Variants in SMARCA2 observed in about 807,000 individuals in gnomAD.
SMARCA2 encodes the protein SWI/SNF related BAF chromatin remodeling complex subunit ATPase 2, also known as SWI/SNF-related matrix-associated actin-dependent regulator of chromatin subfamily A member 2.
Under a neutral mutation model 199.8 loss-of-function variants are expected in SMARCA2, and 61 were observed. The observed-to-expected ratio is 0.31, with a 90% CI of 0.25 to 0.38. The LOEUF (loss-of-function observed/expected upper bound fraction) is 0.38. Ranked by LOEUF, SMARCA2 falls within the 10% of genes least tolerant of loss-of-function variation. The pLI is 1.00. For missense variants in SMARCA2, 1,344 were observed against 2,012.2 expected, an observed-to-expected ratio of 0.67 and a Z score of 6.35; for synonymous variants, 935 against 732.0, an observed-to-expected ratio of 1.28 and a Z score of -4.48.
chr9:2,049,483 G>T (rs919981193), intron 5 of SMARCA2, among the ~76,000 whole-genome samples: 16 of 152,156 alleles, frequency 1.1e-4, no homozygotes, highest in African/African-American at 3.9e-4. Context: ...TGTGGAGAAT[G>T]GCAATTTTTC....
rs773951168 is a variant in SMARCA2 at position 2,077,784 on chromosome 9, G to A, written c.2184+8G>A. The A allele has an allele frequency of 6.2e-7, 1 of 1,600,968 alleles. No individual in the cohort carries two copies. Among genetic ancestry groups the A allele is most frequent in the Non-Finnish European group, 8.5e-7 (1 of 1,173,128 alleles). ...ACCCTAAAGCATTACCAGGTAATTG[G>A]CATGGTTTCAGTTTCCTTGGCAAGT... On this transcript the variant is annotated splice_region_variant and intron_variant, in intron 14 of 33. Coordinates refer to ENST00000349721, the MANE Select transcript of SMARCA2 (RefSeq NM_003070.5).
chr9:2,022,821 G>T (rs569291649), intron 1 of SMARCA2, among the ~76,000 whole-genome samples: 3 of 152,160 alleles, frequency 2.0e-5, no homozygotes, highest in Non-Finnish European at 4.4e-5. Context: ...TTACCTTTCA[G>T]GGTGTCATGA....
chr9:2,140,145 C>T (rs898980995), intron 27 of SMARCA2, among the ~76,000 whole-genome samples: 2 of 152,226 alleles, frequency 1.3e-5, no homozygotes, highest in African/African-American at 4.8e-5. Context: ...TTTTCTAGTA[C>T]TCTCATCAAG....
At chr9:2,034,242 C>CAAAAAAAAA (rs759792374) in intron 3 of SMARCA2, among the ~76,000 whole-genome samples, 1 of 64,134 alleles carries the variant, frequency 1.6e-5, no homozygotes, top group Non-Finnish European at 3.3e-5. Context: ...GACTGCGTCT[C>CAAAAAAAAA]AAAAAAAAAA....
At chr9:2,177,029 T>C (rs1031950729) in intron 29 of SMARCA2, among the ~76,000 whole-genome samples, 11 of 152,220 alleles carry the variant, frequency 7.2e-5, no homozygotes, top group African/African-American at 2.2e-4. Flanking sequence ...GTAGCAAATA[T>C]GGAGTGCAGA....
chr9:2,159,681 G>A, intron 27 of SMARCA2: 1 of 1,138,770 alleles, frequency 8.8e-7, no homozygotes. Context: ...AAGCCTTCGG[G>A]CCTTGTAGTA....
intron 27 of SMARCA2, chr9:2,160,823 T>C: frequency 2.4e-6 from 1 of 416,958 alleles, no homozygotes; most frequent in Non-Finnish European, 4.3e-6. Context: ...TTTTTTTTTT[T>C]CTTCCTTGGC....
chr9:2,031,963 T>C (rs558791944), intron 2 of SMARCA2, among the ~76,000 whole-genome samples: 1 of 152,326 alleles, frequency 6.6e-6, no homozygotes, highest in African/African-American at 2.4e-5. Context: ...CTCTCTATTA[T>C]TACTATTTAA....
intron 9 of SMARCA2, among the ~76,000 whole-genome samples, chr9:2,062,373 T>C (rs924880823): frequency 5.3e-5 from 8 of 152,254 alleles, no homozygotes; most frequent in African/African-American, 1.7e-4. Flanking sequence ...TTAGTGTTTT[T>C]AGTATTAAAA....
intron 9 of SMARCA2, 38 bp from the exon 10 acceptor site, chr9:2,070,380 C>G (rs749583642): frequency 1.3e-6 from 2 of 1,585,578 alleles, no homozygotes; most frequent in South Asian, 2.2e-5. Context: ...ACCCCATCAT[C>G]TTGGTTACTT....
Position 2,119,858 on chromosome 9 carries a change from ACT to A in SMARCA2, c.3762+328_3762+329del, listed in dbSNP as rs1723141905. Among the ~76,000 whole-genome samples the A allele has an allele frequency of 6.6e-6, 1 of 152,052 alleles. No homozygotes were observed. Among genetic ancestry groups the A allele is most frequent in the Admixed American group, 6.6e-5 (1 of 15,260 alleles). On this transcript the variant is annotated intron_variant, in intron 26 of 33. Coordinates refer to ENST00000349721, the MANE Select transcript of SMARCA2 (RefSeq NM_003070.5). The surrounding 1 kb of genome is among the most constrained non-coding windows in gnomAD (Gnocchi z 4.6). ...TTGGCCAGGGCTGAGTAGCAGCTGC[ACT>A]CTCTGGACAGGCCTCGCGGTCTACA...
At chr9:2,190,650 C>A (rs142039694) in intron 32 of SMARCA2, among the ~76,000 whole-genome samples, 5 of 151,870 alleles carry the variant, frequency 3.3e-5, no homozygotes, top group Admixed American at 2.0e-4. Flanking sequence ...CACATACACA[C>A]AGAGAGAGAG....
rs758396796 is a variant in SMARCA2 at position 2,054,560 on chromosome 9, C to T, written c.1047-37C>T. 2.5e-6 allele frequency: 4 copies of T among 1,595,582 alleles called. No homozygotes were observed. In the East Asian group the frequency reaches 9.0e-5, roughly 36 times the overall value. On this transcript the variant is annotated intron_variant, in intron 5 of 33. Transcript: ENST00000349721. ...AAGATTAAATTGTAATGTGTTTTTC[C>T]CCTGCCCCCTTTTCCCCATTTTATT...
At chr9:2,101,296 A>T (rs1409540329) in intron 21 of SMARCA2, among the ~76,000 whole-genome samples, 1 of 152,122 alleles carries the variant, frequency 6.6e-6, no homozygotes, top group Non-Finnish European at 1.5e-5. Flanking sequence ...GCTATGGGCC[A>T]GTGGGTGCTC....
chr9:2,033,125 C>G (rs1819149391), intron 3 of SMARCA2, 44 bp downstream of exon 3: 1 of 1,595,704 alleles, frequency 6.3e-7, no homozygotes, highest in African/African-American at 1.3e-5. Flanking sequence ...CCAGCATAGT[C>G]TTTCAGTCTT....
At chr9:2,154,312 G>A (rs1205977881) in intron 27 of SMARCA2, among the ~76,000 whole-genome samples, 1 of 152,226 alleles carries the variant, frequency 6.6e-6, no homozygotes, top group Admixed American at 6.5e-5. Flanking sequence ...ATCAGTAGTA[G>A]TAGAAGTATT....
At chr9:2,026,420 T>A (rs1398089166) in intron 1 of SMARCA2, among the ~76,000 whole-genome samples, 1 of 152,222 alleles carries the variant, frequency 6.6e-6, no homozygotes, top group Non-Finnish European at 1.5e-5. Flanking sequence ...TTTTAATAGT[T>A]TCCTTTAGCA....
chr9:2,064,937 C>A (rs955952483), intron 9 of SMARCA2, among the ~76,000 whole-genome samples: 1 of 152,238 alleles, frequency 6.6e-6, no homozygotes, highest in Non-Finnish European at 1.5e-5. Flanking sequence ...GTAATCCCAG[C>A]ACTTTGGGAG....
In SMARCA2 at chr9:2,123,646, G is replaced by C; in HGVS notation, c.3763-73G>C. On this transcript the variant is annotated intron_variant, in intron 26 of 33. Coordinates refer to ENST00000349721, the MANE Select transcript of SMARCA2 (RefSeq NM_003070.5). This position sits in a 1 kb window ranked among gnomAD's most constrained non-coding sequence, Gnocchi z 4.1. ...CAGCCATAGGAAGTGACTTGGGGAA[G>C]TTGTGTAGTGCTGGGAAGTCTGCAC... is the stretch of plus-strand genomic sequence containing the variant. 7.6e-7 allele frequency: 1 copy of C among 1,322,872 alleles called. No individual in the cohort carries two copies. Among genetic ancestry groups the C allele is most frequent in the Admixed American group, 1.8e-5 (1 of 54,752 alleles). 81.9% of individuals were successfully genotyped at this position (1,322,872 alleles called of 1,614,324 possible).
Sources: allele counts gnomAD v4.1 joint callset (sites outside exome capture counted in the v4.1 genomes callset), GRCh38; gene constraint gnomAD v4.1.1; non-coding constraint Gnocchi (gnomAD v3.1); transcripts MANE v1.5; gene names NCBI Gene and HGNC (gene_info 2026-07-23, HGNC 2026-07-21).